The following PLXDC2 variants were observed in gnomAD, a reference collection of about 807,000 sequenced individuals.
PLXDC2 encodes the protein plexin domain containing 2, also known as plexin domain-containing protein 2.
A neutral mutation model predicts 68.9 loss-of-function variants in PLXDC2; 40 were observed. The ratio of observed to expected loss-of-function variants is 0.58; its 90% CI spans 0.45 to 0.76. The LOEUF (loss-of-function observed/expected upper bound fraction) is 0.76, where lower values mean the gene tolerates loss of function less well. Among genes scored for constraint, PLXDC2 ranks in the 30% least tolerant of loss-of-function variants. The pLI is 0.00. For synonymous variants in PLXDC2, 243 were observed against 234.2 expected, an observed-to-expected ratio of 1.04 and a Z score of -0.34; for missense variants, 644 against 661.9, an observed-to-expected ratio of 0.97 and a Z score of 0.30.
intron 4 of PLXDC2, among the ~76,000 whole-genome samples, chr10:20,142,602 C>T (rs1045535526): frequency 6.6e-6 from 1 of 152,022 alleles, no homozygotes; most frequent in African/African-American, 2.4e-5. Context: ...AATTCCCTCT[C>T]ATTATCCAAC....
chr10:20,266,872 T>C (rs1201819437), intron 13 of PLXDC2, among the ~76,000 whole-genome samples: 1 of 152,182 alleles, frequency 6.6e-6, no homozygotes, highest in African/African-American at 2.4e-5. Context: ...AAGTAAATAT[T>C]TGCTGAATAA....
intron 1 of PLXDC2, among the ~76,000 whole-genome samples, chr10:19,887,033 C>T (rs562942810): frequency 1.5e-4 from 23 of 152,278 alleles, no homozygotes; most frequent in African/African-American, 5.3e-4. Flanking sequence ...GACTTCATAG[C>T]TCCCCTGAAA....
At chr10:20,263,199 G>T (rs1835830643) in intron 13 of PLXDC2, among the ~76,000 whole-genome samples, 1 of 152,066 alleles carries the variant, frequency 6.6e-6, no homozygotes, top group Admixed American at 6.6e-5. Context: ...CCAGAAATAA[G>T]GCCACACATC....
At chr10:20,044,105 T>TTCCC (rs1835733387) in intron 2 of PLXDC2, among the ~76,000 whole-genome samples, 1 of 125,510 alleles carries the variant, frequency 8.0e-6, no homozygotes, top group African/African-American at 3.1e-5. Context: ...CCTTCCTTCC[T>TTCCC]TCCTTCCTTC....
At chr10:20,188,708 T>G (rs1443417769) in intron 9 of PLXDC2, among the ~76,000 whole-genome samples, 1 of 151,830 alleles carries the variant, frequency 6.6e-6, no homozygotes, top group Non-Finnish European at 1.5e-5. Flanking sequence ...TTAAAACATA[T>G]TAAGAGCTAA....
At chr10:19,965,802 T>C (rs1834238195) in intron 1 of PLXDC2, among the ~76,000 whole-genome samples, 1 of 152,048 alleles carries the variant, frequency 6.6e-6, no homozygotes, top group African/African-American at 2.4e-5. Flanking sequence ...GACTCTGGCA[T>C]GGCCTCAAAC....
At chr10:20,001,075 C>G (rs944834629) in intron 1 of PLXDC2, among the ~76,000 whole-genome samples, 2 of 152,154 alleles carry the variant, frequency 1.3e-5, no homozygotes, top group East Asian at 1.9e-4. Flanking sequence ...GATCTCCTTG[C>G]CTTCCCATCC....
chr10:20,002,405 G>T (rs764120267), intron 2 of PLXDC2, among the ~76,000 whole-genome samples: 11 of 151,998 alleles, frequency 7.2e-5, no homozygotes, highest in Middle Eastern at 3.4e-3. Flanking sequence ...GACTACAGGC[G>T]CATGCCACCA....
intron 9 of PLXDC2, among the ~76,000 whole-genome samples, chr10:20,187,705 C>T (rs1380680117): frequency 1.3e-5 from 2 of 151,750 alleles, no homozygotes; most frequent in Non-Finnish European, 2.9e-5. Flanking sequence ...TAGGATGTTC[C>T]TATTAAGAAA....
intron 3 of PLXDC2, among the ~76,000 whole-genome samples, chr10:20,051,857 G>A (rs527630815): frequency 9.2e-5 from 14 of 152,034 alleles, no homozygotes; most frequent in African/African-American, 3.4e-4. Context: ...TAATATTTTA[G>A]TTGTTACAGG....
intron 13 of PLXDC2, among the ~76,000 whole-genome samples, chr10:20,257,197 C>T (rs1835753099): frequency 1.3e-5 from 2 of 152,128 alleles, no homozygotes; most frequent in Non-Finnish European, 2.9e-5. Context: ...CTCTTCATTA[C>T]CAGGGTACTT....
chr10:19,850,503 G>A (rs1368300799), intron 1 of PLXDC2, among the ~76,000 whole-genome samples: 2 of 152,198 alleles, frequency 1.3e-5, no homozygotes, highest in Non-Finnish European at 1.5e-5. Flanking sequence ...AAGGCAAAAT[G>A]CAAAGCAAAT....
chr10:19,887,942 A>G (rs1837879818), intron 1 of PLXDC2, among the ~76,000 whole-genome samples: 1 of 152,244 alleles, frequency 6.6e-6, no homozygotes, highest in African/African-American at 2.4e-5. Flanking sequence ...AAGAAAACAC[A>G]ACTTTGAATT....
At chr10:19,870,959 A>G (rs1023664515) in intron 1 of PLXDC2, among the ~76,000 whole-genome samples, 4 of 152,194 alleles carry the variant, frequency 2.6e-5, no homozygotes, top group African/African-American at 4.8e-5. Flanking sequence ...ATACAGATGA[A>G]TAAGCTGAGA....
At chr10:20,015,158 C>T (rs776422505) in intron 2 of PLXDC2, among the ~76,000 whole-genome samples, 5 of 152,208 alleles carry the variant, frequency 3.3e-5, no homozygotes, top group Non-Finnish European at 7.3e-5. Context: ...GTCATCCTCT[C>T]TCTGCTCAAT....
At chr10:20,123,796 G>A (rs1833732533) in intron 4 of PLXDC2, among the ~76,000 whole-genome samples, 1 of 151,974 alleles carries the variant, frequency 6.6e-6, no homozygotes, top group South Asian at 2.1e-4. Flanking sequence ...AGAGATATAA[G>A]AGGTTGGGCG....
intron 1 of PLXDC2, among the ~76,000 whole-genome samples, chr10:19,967,956 C>T (rs991515751): frequency 2.6e-5 from 4 of 152,108 alleles, no homozygotes; most frequent in African/African-American, 9.7e-5. Context: ...GAAAAGGGAA[C>T]AAATATTATG....
At chr10:20,239,543 T>C (rs776894349) in intron 12 of PLXDC2, among the ~76,000 whole-genome samples, 8 of 152,120 alleles carry the variant, frequency 5.3e-5, no homozygotes, top group Non-Finnish European at 8.8e-5. Flanking sequence ...CCATCAGATC[T>C]CATGGGGACT....
rs757253471 is a variant in PLXDC2 at position 20,279,858 on chromosome 10, G to A, written c.*39G>A. 31 of 1,566,354 alleles carry A rather than the reference G, an allele frequency of 2.0e-5. No individual in the cohort carries two copies. The highest frequency in any genetic ancestry group is 2.7e-5 in the Non-Finnish European group (31 of 1,139,500). On this transcript the variant is annotated 3_prime_UTR_variant, in exon 14 of 14. Transcript: ENST00000377252. ...GAACAACACCAGTACTGGTTTACAG[G>A]TGTTAAGACTAAAATTTTGCCTATA...
Sources: gnomAD v4.1 joint callset for allele counts (sites outside exome capture counted in the v4.1 genomes callset) on GRCh38, gnomAD v4.1.1 for gene constraint, MANE v1.5 for transcripts, NCBI Gene and HGNC (gene_info 2026-07-23, HGNC 2026-07-21) for gene names.